Variants in OTOGL observed in about 807,000 individuals in gnomAD.
OTOGL encodes the protein otogelin like.
OTOGL carries 285 observed loss-of-function variants against 318.5 expected under a neutral mutation model. The observed-to-expected ratio is 0.89, with a 90% CI of 0.81 to 0.99. OTOGL has a LOEUF of 0.99. OTOGL is among the 50% of genes least tolerant of loss of function. The pLI is 0.00. For missense variants in OTOGL, 2,899 were observed against 2,845.6 expected (o/e 1.02, Z -0.43); for synonymous variants, 987 against 936.5 (o/e 1.05, Z -0.99).
chr12:80,169,729 T>C (rs1874061764), intron 1 of OTOGL, among the ~76,000 whole-genome samples: 1 of 152,322 alleles, frequency 6.6e-6, no homozygotes, highest in South Asian at 2.1e-4. Context: ...TTTCTGTCCT[T>C]ATAGCTTTGC....
chr12:80,173,325 C>T (rs1874329210), intron 1 of OTOGL, among the ~76,000 whole-genome samples: 1 of 152,034 alleles, frequency 6.6e-6, no homozygotes, highest in Non-Finnish European at 1.5e-5. Flanking sequence ...ATGGATTATT[C>T]ATGAGTTTTC....
At chr12:80,334,907 G>A (rs773589738) in intron 38 of OTOGL, among the ~76,000 whole-genome samples, 8 of 152,124 alleles carry the variant, frequency 5.3e-5, no homozygotes, top group Non-Finnish European at 1.2e-4. Context: ...GTCAATACCT[G>A]AGAAGTGGTA....
At chr12:80,329,486 T>C (rs1887933021) in intron 37 of OTOGL, among the ~76,000 whole-genome samples, 1 of 152,246 alleles carries the variant, frequency 6.6e-6, no homozygotes, top group South Asian at 2.1e-4. Context: ...TAAATTCTAC[T>C]TTTAGGTTTG....
intron 1 of OTOGL, among the ~76,000 whole-genome samples, chr12:80,190,786 CAAAAAAAAAAAAAA>C (rs55950528): frequency 5.4e-5 from 4 of 73,676 alleles, no homozygotes; most frequent in African/African-American, 7.9e-5. Flanking sequence ...GACTCCGTCT[CAAAAAAAAAAAAAA>C]AAAAAAAAAA....
At chr12:80,215,559 A>T (rs1244905) in intron 4 of OTOGL, among the ~76,000 whole-genome samples, 65,453 of 152,008 alleles carry the variant, frequency 0.43, 16,570 homozygotes, top group African/African-American at 0.7. Flanking sequence ...GTGAGGCAGG[A>T]ACTTTTATTT....
chr12:80,167,983 C>T lies in OTOGL; in HGVS notation c.-19-41430C>T, dbSNP rs575420515. ...CCTCTCCTCTCCTCTCCTCTCTTCT[C>T]CTCTCTTCTCTTCTCTTCTTTTTTT... is the stretch of plus-strand genomic sequence containing the variant. On this transcript the variant is annotated intron_variant, in intron 1 of 58. Coordinates refer to ENST00000547103, the MANE Select transcript of OTOGL (RefSeq NM_001378609.3). Among the ~76,000 whole-genome samples the T allele has an allele frequency of 2.6e-3, 397 of 151,874 alleles. 3 individuals carry two copies. Among genetic ancestry groups the T allele is most frequent in the Non-Finnish European group, 4.2e-3 (283 of 67,912 alleles).
At chr12:80,111,015 T>C (rs1298415471) in intron 1 of OTOGL, among the ~76,000 whole-genome samples, 1 of 152,274 alleles carries the variant, frequency 6.6e-6, no homozygotes, top group Non-Finnish European at 1.5e-5. Flanking sequence ...GATGAGCTTT[T>C]TTTCATACGT....
rs376909227 is a variant in OTOGL at position 80,143,275 on chromosome 12, G to T, written c.-20+43670G>T. 2.1e-4 allele frequency among the ~76,000 whole-genome samples: 32 copies of T among 152,230 alleles called. No individual in the cohort carries two copies. The East Asian group carries it at 2.9e-3, about 14-fold the overall frequency. ...AGATGCACCCTGTTAACTTTCTGAA[G>T]TCCCTAAAGTTTAGAATTCCAAATT... On this transcript the variant is annotated intron_variant, in intron 1 of 58. Transcript: ENST00000547103.
At chr12:80,287,338 A>G (rs1181928540) in intron 26 of OTOGL, among the ~76,000 whole-genome samples, 1 of 151,658 alleles carries the variant, frequency 6.6e-6, no homozygotes, top group African/African-American at 2.4e-5. Context: ...ATTTTAGAAT[A>G]AGTGTGATGT....
chr12:80,116,287 C>T (rs1243348569), intron 1 of OTOGL, among the ~76,000 whole-genome samples: 1 of 151,996 alleles, frequency 6.6e-6, no homozygotes, highest in Non-Finnish European at 1.5e-5. Context: ...CTCACAGTTT[C>T]CCTTGGATAG....
chr12:80,153,829 C>CT (rs1310784951), intron 1 of OTOGL, among the ~76,000 whole-genome samples: 1 of 152,104 alleles, frequency 6.6e-6, no homozygotes, highest in Non-Finnish European at 1.5e-5. Context: ...TTCAGATTGG[C>CT]TTTTTTCACT....
chr12:80,122,634 A>G (rs1283975966), intron 1 of OTOGL, among the ~76,000 whole-genome samples: 2 of 152,196 alleles, frequency 1.3e-5, no homozygotes, highest in Non-Finnish European at 2.9e-5. Flanking sequence ...GCAAGAAGCA[A>G]AAGAAATGAG....
chr12:80,366,530 T>TATATATATAA (rs201357228), intron 52 of OTOGL, 44 bp from the exon 53 acceptor site: 171 of 355,322 alleles, frequency 4.8e-4, no homozygotes, highest in African/African-American at 3.2e-3. Context: ...TATATATATA[T>TATATATATAA]AAAATAAGCT....
intron 25 of OTOGL, 89 bp from the exon 26 acceptor site, chr12:80,278,939 T>G: frequency 6.9e-7 from 1 of 1,441,964 alleles, no homozygotes; most frequent in Non-Finnish European, 9.6e-7. Flanking sequence ...TGAATTCTCT[T>G]GAATACAGAC....
chr12:80,110,626 CCA>C (rs1869780555), intron 1 of OTOGL, among the ~76,000 whole-genome samples: 1 of 152,084 alleles, frequency 6.6e-6, no homozygotes, highest in Admixed American at 6.5e-5. Context: ...TGTATTTGTG[CCA>C]CATTTTCTTT....
intron 1 of OTOGL, among the ~76,000 whole-genome samples, chr12:80,175,549 T>G (rs1250462931): frequency 6.6e-6 from 1 of 152,164 alleles, no homozygotes; most frequent in African/African-American, 2.4e-5. Flanking sequence ...TGACTCGCAT[T>G]TTTATACAGG....
intron 1 of OTOGL, among the ~76,000 whole-genome samples, chr12:80,112,263 A>G (rs1441321524): frequency 6.6e-6 from 1 of 152,210 alleles, no homozygotes; most frequent in Admixed American, 6.5e-5. Context: ...TGCCCTAGCC[A>G]GAACTTCCAG....
rs750983994 is a variant in OTOGL, at chr12:80,377,171, T to G, written c.6830T>G (p.Ile2277Arg). The change falls in exon 58 of 59, where the codon ATA becomes AGA. Residue 2277 changes from isoleucine to arginine, a missense_variant. Physicochemically the swap from Ile to Arg is moderately conservative, Grantham distance 97. Around this residue, in one of 3 missense-constraint regions of OTOGL, gnomAD observed 289 missense variants for 304.6 expected, o/e 0.95. Coordinates refer to ENST00000547103, the MANE Select transcript of OTOGL (RefSeq NM_001378609.3). The part of the protein sequence containing the change: ...ICQKVIIKSV[I>R]RKQDCMSQSP... ...CAGAAAGTGATCATTAAATCGGTCA[T>G]AAGGAAACAGGACTGTATGAGCCAA... The G allele has an allele frequency of 5.6e-6, 9 of 1,609,794 alleles. No individual in the cohort carries two copies. The highest frequency in any genetic ancestry group is 2.7e-5 in the African/African-American group (2 of 74,766).
chr12:80,231,359 GT>G (rs1879342598), intron 8 of OTOGL, among the ~76,000 whole-genome samples: 1 of 152,014 alleles, frequency 6.6e-6, no homozygotes, highest in East Asian at 1.9e-4. Context: ...TATTTTTCTA[GT>G]TTTGTAAATA....
Sources: allele counts gnomAD v4.1 joint callset (sites outside exome capture counted in the v4.1 genomes callset), GRCh38; gene constraint gnomAD v4.1.1; regional missense constraint gnomAD v4.1.1; transcripts MANE v1.5; gene names NCBI Gene and HGNC (gene_info 2026-07-23, HGNC 2026-07-21).